The following FBXL13 variants were observed in gnomAD, a reference collection of about 807,000 sequenced individuals.
The protein encoded by FBXL13 is F-box and leucine-rich repeat protein 13.
FBXL13 carries 67 observed loss-of-function variants against 83.6 expected under a neutral mutation model. That is an observed-to-expected ratio of 0.80 (90% CI 0.66 to 0.98). FBXL13 has a LOEUF of 0.98. FBXL13 is among the 50% of genes least tolerant of loss of function. The pLI is 0.00. For missense variants in FBXL13, 822 were observed against 866.5 expected, an observed-to-expected ratio of 0.95 and a Z score of 0.64; for synonymous variants, 272 against 299.5, an observed-to-expected ratio of 0.91 and a Z score of 0.95.
intron 2 of FBXL13, among the ~76,000 whole-genome samples, chr7:103,030,536 T>C (rs1268891098): frequency 6.6e-6 from 1 of 152,182 alleles, no homozygotes; most frequent in Non-Finnish European, 1.5e-5. Context: ...AACATTACAA[T>C]TTTTCAGTAC....
intron 16 of FBXL13, among the ~76,000 whole-genome samples, chr7:102,865,418 C>T (rs907897279): frequency 6.6e-6 from 1 of 152,052 alleles, no homozygotes; most frequent in Non-Finnish European, 1.5e-5. Context: ...TCGAAAATTT[C>T]TCTTCATCTC....
intron 1 of FBXL13, among the ~76,000 whole-genome samples, chr7:103,073,497 GATA>G (rs10534393): frequency 0.59 from 88,835 of 151,314 alleles, 28,005 homozygotes; most frequent in Non-Finnish European, 0.7. Context: ...TAATAATGAT[GATA>G]ATAATAATAT....
At chr7:103,027,136 C>T (rs189687203) in intron 5 of FBXL13, among the ~76,000 whole-genome samples, 3 of 151,690 alleles carry the variant, frequency 2.0e-5, no homozygotes, top group Non-Finnish European at 4.4e-5. Flanking sequence ...TCTACTAAAA[C>T]TACAAAAAAA....
intron 2 of FBXL13, among the ~76,000 whole-genome samples, chr7:103,044,577 G>C (rs946649798): frequency 7.2e-5 from 11 of 152,208 alleles, no homozygotes; most frequent in African/African-American, 2.7e-4. Context: ...TGGAGGAAGA[G>C]AGAATAAATT....
intron 6 of FBXL13, chr7:102,973,795 A>C (rs1396989010): frequency 2.7e-6 from 2 of 745,750 alleles, no homozygotes; most frequent in Non-Finnish European, 4.9e-6. Flanking sequence ...GAGCCCGGTT[A>C]ACAAGGAAAA....
At chr7:102,993,417 A>G (rs972238830) in intron 6 of FBXL13, among the ~76,000 whole-genome samples, 2 of 152,222 alleles carry the variant, frequency 1.3e-5, no homozygotes, top group Admixed American at 6.5e-5. Flanking sequence ...CACATGACAT[A>G]TATCTTTTAC....
At chr7:102,897,026 T>C (rs542177886) in intron 11 of FBXL13, among the ~76,000 whole-genome samples, 2 of 151,996 alleles carry the variant, frequency 1.3e-5, no homozygotes, top group East Asian at 1.9e-4. Flanking sequence ...TTTTTTAAGA[T>C]ACAAGAGTCT....
intron 2 of FBXL13, among the ~76,000 whole-genome samples, chr7:103,041,896 C>A (rs1430835273): frequency 6.6e-6 from 1 of 152,156 alleles, no homozygotes; most frequent in Non-Finnish European, 1.5e-5. Flanking sequence ...AGAAGCATTC[C>A]CTTTGAAAAC....
chr7:102,872,303 A>AT (rs1298863264), intron 16 of FBXL13, among the ~76,000 whole-genome samples: 2 of 152,006 alleles, frequency 1.3e-5, no homozygotes, highest in African/African-American at 4.8e-5. Context: ...AGAGCCTAGC[A>AT]TTTTTTTCCT....
chr7:102,914,189 C>T (rs1214853805), intron 10 of FBXL13, among the ~76,000 whole-genome samples: 6 of 152,230 alleles, frequency 3.9e-5, no homozygotes, highest in Admixed American at 2.0e-4. Context: ...TCTCCTGCCT[C>T]AGCCTCCCAA....
chr7:102,967,269 T>C (rs1215448069), intron 7 of FBXL13, among the ~76,000 whole-genome samples: 3 of 55,084 alleles, frequency 5.4e-5, no homozygotes, highest in Non-Finnish European at 9.8e-5. Context: ...ATCCTCTCTT[T>C]CTTTTTTTTT....
At chr7:102,948,730 T>C (rs1031606091) in intron 8 of FBXL13, among the ~76,000 whole-genome samples, 10 of 151,238 alleles carry the variant, frequency 6.6e-5, no homozygotes, top group Admixed American at 1.3e-4. Context: ...CCTTTTTTTT[T>C]TGACACAGTC....
intron 1 of FBXL13, among the ~76,000 whole-genome samples, chr7:103,067,667 A>G (rs1170528621): frequency 6.6e-6 from 1 of 152,224 alleles, no homozygotes; most frequent in African/African-American, 2.4e-5. Flanking sequence ...ATCAACTGCC[A>G]GGCATGTAGG....
At chr7:102,877,486 C>T in exon 16 of FBXL13, 1 of 1,606,850 alleles carries the variant, frequency 6.2e-7, no homozygotes, top group East Asian at 2.2e-5. Context: ...GATGTCTGTT[C>T]CAGAGAGATC....
At chr7:102,863,985 T>C (rs1245150681) in intron 16 of FBXL13, among the ~76,000 whole-genome samples, 2 of 152,150 alleles carry the variant, frequency 1.3e-5, no homozygotes, top group Non-Finnish European at 2.9e-5. Flanking sequence ...TATTTCTAGC[T>C]ATCATTGCAA....
intron 6 of FBXL13, among the ~76,000 whole-genome samples, chr7:103,012,803 C>T (rs1035846697): frequency 5.3e-5 from 8 of 152,134 alleles, no homozygotes; most frequent in East Asian, 1.9e-4. Context: ...CCACATGTAT[C>T]GATACTAATC....
intron 2 of FBXL13, among the ~76,000 whole-genome samples, chr7:103,044,141 C>T (rs768749167): frequency 6.6e-6 from 1 of 152,122 alleles, no homozygotes; most frequent in East Asian, 1.9e-4. Context: ...GCATGAAATA[C>T]GGGAAACAGA....
At chr7:102,824,837 T>A (rs1038642271) in intron 18 of FBXL13, among the ~76,000 whole-genome samples, 1 of 147,724 alleles carries the variant, frequency 6.8e-6, no homozygotes, top group African/African-American at 2.5e-5. Context: ...TTTCCCAGGC[T>A]GGCCTGGAAC....
chr7:102,888,193 GA>G (rs1308890190), intron 11 of FBXL13, among the ~76,000 whole-genome samples: 1 of 152,184 alleles, frequency 6.6e-6, no homozygotes, highest in Non-Finnish European at 1.5e-5. Flanking sequence ...TTAAATTTAG[GA>G]GTAAGATAAA....
Sources: allele counts gnomAD v4.1 joint callset (sites outside exome capture counted in the v4.1 genomes callset), GRCh38; gene constraint gnomAD v4.1.1; transcripts MANE v1.5; gene names NCBI Gene and HGNC (gene_info 2026-07-23, HGNC 2026-07-21).